DSTN: variants seen among roughly 807,000 people sequenced by gnomAD.
DSTN encodes destrin, actin depolymerizing factor.
Under a neutral mutation model 16.8 loss-of-function variants are expected in DSTN, and 10 were observed. That is an observed-to-expected ratio of 0.60 (90% confidence interval 0.37 to 1.01). The LOEUF (loss-of-function observed/expected upper bound fraction) is 1.01. Ranked by LOEUF, DSTN falls within the 50% of genes least tolerant of loss-of-function variation. The pLI is 0.01. For missense variants in DSTN, 141 were observed against 196.7 expected (o/e 0.72, Z 1.69); for synonymous variants, 57 against 58.9 (o/e 0.97, Z 0.14).
At chr20:17,605,972 G>A (rs1055308972) in intron 3 of DSTN, among the ~76,000 whole-genome samples, 16 of 152,276 alleles carry the variant, frequency 1.1e-4, no homozygotes, top group African/African-American at 2.9e-4. Flanking sequence ...GCCGGGCGTG[G>A]TGGCACATGC....
chr20:17,575,312 C>G lies in DSTN; in HGVS notation c.3+5101C>G, dbSNP rs117049909. Among the ~76,000 whole-genome samples the G allele has an allele frequency of 6.2e-3, 937 of 152,160 alleles. 4 individuals carry two copies. Among genetic ancestry groups the G allele is most frequent in the Non-Finnish European group, 9.5e-3 (645 of 68,010 alleles). On this transcript the variant is annotated intron_variant, in intron 1 of 3. Coordinates refer to ENST00000246069, the MANE Select transcript of DSTN (RefSeq NM_006870.4). ...GAAATTTGAAAAAAAACTTGCAAGT[C>G]TTGAAAAACTGAATTTAACATACAA... is the stretch of plus-strand genomic sequence containing the variant.
chr20:17,589,219 CTTT>C (rs1025807635), intron 1 of DSTN, among the ~76,000 whole-genome samples: 1 of 146,474 alleles, frequency 6.8e-6, no homozygotes, highest in East Asian at 2.0e-4. Context: ...CCTCCCCCTA[CTTT>C]TTTTTTTTGA....
chr20:17,573,163 G>C (rs1156618473), intron 1 of DSTN, among the ~76,000 whole-genome samples: 1 of 152,208 alleles, frequency 6.6e-6, no homozygotes, highest in Non-Finnish European at 1.5e-5. Flanking sequence ...GTTCACAGTA[G>C]TCACCTGAAA....
intron 2 of DSTN, among the ~76,000 whole-genome samples, 158 bp from the exon 3 acceptor site, chr20:17,604,397 G>C (rs2035618890): frequency 6.6e-6 from 1 of 152,104 alleles, no homozygotes; most frequent in Non-Finnish European, 1.5e-5. Flanking sequence ...TTTCCTCTCT[G>C]AGCTGCTGGG....
chr20:17,577,062 A>G (rs780582937), intron 1 of DSTN, among the ~76,000 whole-genome samples: 1 of 152,278 alleles, frequency 6.6e-6, no homozygotes, highest in Non-Finnish European at 1.5e-5. Context: ...TATTTAAAAT[A>G]TCATATAAAA....
intron 1 of DSTN, among the ~76,000 whole-genome samples, chr20:17,592,326 C>T (rs971046013): frequency 1.3e-5 from 2 of 151,266 alleles, no homozygotes; most frequent in African/African-American, 4.9e-5. Context: ...ACTCAGGAGG[C>T]TGAGGTGGGA....
At chr20:17,581,297 A>T (rs1231239368) in intron 1 of DSTN, among the ~76,000 whole-genome samples, 1 of 152,184 alleles carries the variant, frequency 6.6e-6, no homozygotes, top group African/African-American at 2.4e-5. Context: ...CCTGGGCAAC[A>T]TAGAGAGAAC....
intron 1 of DSTN, among the ~76,000 whole-genome samples, chr20:17,583,505 T>G (rs1207811313): frequency 6.6e-6 from 1 of 152,104 alleles, no homozygotes; most frequent in Non-Finnish European, 1.5e-5. Flanking sequence ...GGAATATTAT[T>G]TGGCAATAAA....
intron 2 of DSTN, among the ~76,000 whole-genome samples, chr20:17,601,649 G>T (rs775066611): frequency 6.6e-6 from 1 of 152,206 alleles, no homozygotes; most frequent in Non-Finnish European, 1.5e-5. Context: ...ACCTTATTGA[G>T]TAGCACAGAT....
rs542319460 is a variant in DSTN, at chr20:17,590,102, G to T, written c.4-10636G>T. ...ATCATTGCATTTAGCTTTTGGACTG[G>T]TTCAGTTATTTACAAAAATCAAATT... is the stretch of plus-strand genomic sequence containing the variant. On this transcript the variant is annotated intron_variant, in intron 1 of 3. Coordinates refer to ENST00000246069, the MANE Select transcript of DSTN (RefSeq NM_006870.4). Among the ~76,000 whole-genome samples the T allele has an allele frequency of 2.3e-4, 35 of 152,242 alleles. No homozygotes were observed. In the South Asian group the frequency reaches 6.7e-3, roughly 29 times the overall value.
chr20:17,589,678 T>C (rs776287759), intron 1 of DSTN, among the ~76,000 whole-genome samples: 8 of 152,384 alleles, frequency 5.2e-5, no homozygotes, highest in Non-Finnish European at 1.0e-4. Flanking sequence ...TCTGTTTCTA[T>C]TGGCCCTTGT....
chr20:17,599,678 T>A (rs1274615406), intron 1 of DSTN: 1 of 152,250 alleles, frequency 6.6e-6, no homozygotes, highest in Non-Finnish European at 1.5e-5. Context: ...TCCACAGATG[T>A]CTGGGTGCTG....
chr20:17,582,005 C>G (rs1044107308), intron 1 of DSTN, among the ~76,000 whole-genome samples: 1 of 151,824 alleles, frequency 6.6e-6, no homozygotes, highest in Non-Finnish European at 1.5e-5. Flanking sequence ...TTCTAGGAAC[C>G]TGGCACTGTT....
At chr20:17,578,253 A>G (rs992366091) in intron 1 of DSTN, among the ~76,000 whole-genome samples, 1 of 152,224 alleles carries the variant, frequency 6.6e-6, no homozygotes, top group Non-Finnish European at 1.5e-5. Context: ...TACCACTCTC[A>G]TAGTAGGCCC....
intron 1 of DSTN, among the ~76,000 whole-genome samples, chr20:17,578,028 C>T (rs998054678): frequency 1.3e-5 from 2 of 152,154 alleles, no homozygotes; most frequent in Non-Finnish European, 2.9e-5. Context: ...GGCTAGTGGC[C>T]ACTTTATTGG....
At position 17,574,865 on chromosome 20, in the gene DSTN, C is replaced by CTTTTCTTTTTT. The variant is rs1354147534; in HGVS notation, c.3+4658_3+4659insCTTTTTTTTTT. On this transcript the variant is annotated intron_variant, in intron 1 of 3. Coordinates refer to ENST00000246069, the MANE Select transcript of DSTN (RefSeq NM_006870.4). ...CTTTCTTTTCTTTTTCTTTTCTTTT[C>CTTTTCTTTTTT]TTTTGTTTTTTTTTTTTTTTTTTTT... Among the ~76,000 whole-genome samples the CTTTTCTTTTTT allele has an allele frequency of 4.8e-4, 31 of 64,252 alleles. 1 individual carries two copies. Among genetic ancestry groups the CTTTTCTTTTTT allele is most frequent in the African/African-American group, 1.9e-3 (31 of 16,714 alleles). 42.2% of individuals were successfully genotyped at this position (64,252 alleles called of 152,430 possible).
In DSTN at chr20:17,600,958, T is replaced by G; in HGVS notation, c.224T>G (p.Leu75Arg). 1 of 1,614,088 alleles carries G rather than the reference T, an allele frequency of 6.2e-7. No individual in the cohort carries two copies. Among genetic ancestry groups the G allele is most frequent in the Non-Finnish European group, 8.5e-7 (1 of 1,179,966 alleles). The change falls in exon 2 of 4, where the codon CTT (leucine) becomes CGT (arginine). Residue 75 changes from leucine (L) to arginine (R), a missense_variant. Coordinates refer to ENST00000246069, the MANE Select transcript of DSTN (RefSeq NM_006870.4). ...CCTTTCAAGCATTTTGTGGGAATGC[T>G]TCCTGAAAAAGATTGTCGCTATGCT... is the stretch of plus-strand genomic sequence containing the variant. ...TDPFKHFVGMLPEKDCRYALY... is the reference protein window; with the variant it reads ...TDPFKHFVGMRPEKDCRYALY...
At chr20:17,602,007 G>A (rs143965366) in intron 2 of DSTN, among the ~76,000 whole-genome samples, 60 of 151,898 alleles carry the variant, frequency 4.0e-4, no homozygotes, top group African/African-American at 1.4e-3. Flanking sequence ...AAGGCAGGGA[G>A]GGACTTAGCT....
intron 1 of DSTN, among the ~76,000 whole-genome samples, chr20:17,593,801 GGGGGTGGTGGCTC>G (rs1158234458): frequency 6.6e-6 from 1 of 152,160 alleles, no homozygotes; most frequent in East Asian, 1.9e-4. Context: ...TTATTGGGCT[GGGGGTGGTGGCTC>G]ATACCTGTAG....
Sources: gnomAD v4.1 joint callset for allele counts (sites outside exome capture counted in the v4.1 genomes callset) on GRCh38, gnomAD v4.1.1 for gene constraint, MANE v1.5 for transcripts, NCBI Gene and HGNC (gene_info 2026-07-23, HGNC 2026-07-21) for gene names.